LPIN1: variants seen among roughly 807,000 people sequenced by gnomAD.
LPIN1 encodes lipin 1, also known as phosphatidate phosphatase LPIN1.
In LPIN1, 71 loss-of-function variants were observed where a neutral mutation model predicts 107.5. The ratio of observed to expected loss-of-function variants is 0.66; its 90% confidence interval spans 0.55 to 0.80. The LOEUF is 0.80. LPIN1 is among the 30% of genes least tolerant of loss of function. The pLI is 0.00. For synonymous variants in LPIN1, 445 were observed against 452.6 expected (o/e 0.98, Z 0.21); for missense variants, 1,043 against 1,160.6 (o/e 0.90, Z 1.47).
intron 1 of LPIN1, among the ~76,000 whole-genome samples, chr2:11,752,432 C>CTTTTTTTTTTT (rs1354955148): frequency 2.3e-4 from 19 of 82,636 alleles, no homozygotes; most frequent in African/African-American, 1.4e-3. Context: ...GTTCCAAGGC[C>CTTTTTTTTTTT]ATTTTTTTTT....
At chr2:11,815,577 G>A (rs984714131) in intron 18 of LPIN1, among the ~76,000 whole-genome samples, 3 of 151,866 alleles carry the variant, frequency 2.0e-5, no homozygotes, top group Non-Finnish European at 4.4e-5. Flanking sequence ...ATGCTGTTCC[G>A]TCTTTTTGGG....
intron 1 of LPIN1, among the ~76,000 whole-genome samples, chr2:11,753,200 C>G (rs1037604241): frequency 7.5e-6 from 1 of 133,820 alleles, no homozygotes; most frequent in Non-Finnish European, 1.6e-5. Flanking sequence ...CTGCCTAACA[C>G]AGGCAGGGCT....
At chr2:11,694,620 G>A (rs748423938) in intron 1 of LPIN1, among the ~76,000 whole-genome samples, 1 of 152,218 alleles carries the variant, frequency 6.6e-6, no homozygotes, top group Non-Finnish European at 1.5e-5. Flanking sequence ...CTGAAGATGA[G>A]TCCATGGTCC....
Position 11,765,079 on chromosome 2 carries a change from AC to A in LPIN1, c.-9-451del, listed in dbSNP as rs1237689326. Among the ~76,000 whole-genome samples, 1 of 143,808 alleles carries A rather than the reference AC, an allele frequency of 7.0e-6. No individual in the cohort carries two copies. Among genetic ancestry groups the A allele is most frequent in the Admixed American group, 6.8e-5 (1 of 14,640 alleles). The allele number at this position is 143,808 out of a possible 152,430, so 94.3% of individuals were successfully genotyped here. A position where few individuals can be genotyped will look rare whatever the true frequency, so the allele number is the denominator to read the frequency against. ...GATGGGCCGTGATGGGCTGTGATGG[AC>A]CCTGGTGGGCTCTGATGGTCCATGA... On this transcript the variant is annotated intron_variant, in intron 1 of 20. Coordinates refer to ENST00000674199, the MANE Select transcript of LPIN1 (RefSeq NM_001349206.2). This position sits in a 1 kb window ranked among gnomAD's most constrained non-coding sequence, Gnocchi z 4.4.
At chr2:11,773,819 G>T (rs1672254966) in intron 5 of LPIN1, 74 bp downstream of exon 5, 7 of 1,524,996 alleles carry the variant, frequency 4.6e-6, no homozygotes, top group East Asian at 2.3e-5. Context: ...TCTAAGAAAA[G>T]AATGAAATAG....
In LPIN1 at chr2:11,787,103, C is replaced by A; in HGVS notation, c.1579C>A (p.Gln527Lys). Reference protein sequence around the residue: ...DAFLEQAVSYQQFVDNPAIID... With the variant: ...DAFLEQAVSYKQFVDNPAIID... ...ATTCCTGGAGCAAGCTGTGTCATAT[C>A]AACAGTTTGTGGACAACCCCGCTAT... The change falls in exon 11 of 21, where the codon CAA (glutamine) becomes AAA (lysine). Residue 527 changes from glutamine to lysine, a missense_variant. Gln to Lys is a moderately conservative substitution (Grantham distance 53). Transcript: ENST00000674199. 1 of 1,614,030 alleles carries A rather than the reference C, an allele frequency of 6.2e-7. No individual in the cohort carries two copies. Among genetic ancestry groups the A allele is most frequent in the Middle Eastern group, 1.6e-4 (1 of 6,062 alleles).
At position 11,795,387 on chromosome 2, in the gene LPIN1, C is replaced by G. The variant is rs769842057; in HGVS notation, c.1807-21C>G. ...CCTTCTCTGTGGTACTTCTGTGACT[C>G]TTTCTTTTCTTCTTTTCTAGGAAAG... On this transcript the variant is annotated intron_variant, in intron 13 of 20. Coordinates refer to ENST00000674199, the MANE Select transcript of LPIN1 (RefSeq NM_001349206.2). 12 of 1,608,362 alleles carry G rather than the reference C, an allele frequency of 7.5e-6. No homozygotes were observed. In the Admixed American group the frequency reaches 2.0e-4, roughly 27 times the overall value.
At chr2:11,801,337 G>C (rs574246372) in intron 14 of LPIN1, among the ~76,000 whole-genome samples, 2 of 152,194 alleles carry the variant, frequency 1.3e-5, no homozygotes, top group African/African-American at 2.4e-5. Flanking sequence ...CACAGGAGTT[G>C]AAATATGGAA....
chr2:11,690,727 A>G (rs1445851391), intron 1 of LPIN1, among the ~76,000 whole-genome samples: 1 of 151,932 alleles, frequency 6.6e-6, no homozygotes, highest in Non-Finnish European at 1.5e-5. Flanking sequence ...GTTTCCTGTT[A>G]GGTTTTATCT....
intron 1 of LPIN1, among the ~76,000 whole-genome samples, chr2:11,761,179 A>G (rs1007971002): frequency 1.6e-4 from 25 of 152,148 alleles, no homozygotes; most frequent in Non-Finnish European, 4.4e-5. Flanking sequence ...TTAGAGTTAG[A>G]GGGTTACCTC....
intron 1 of LPIN1, among the ~76,000 whole-genome samples, chr2:11,712,306 C>T (rs374975206): frequency 2.0e-5 from 3 of 152,346 alleles, no homozygotes; most frequent in East Asian, 3.9e-4. Flanking sequence ...CCCACTCACC[C>T]TGCAGAGGCA....
chr2:11,817,922 ACT>A (rs1232631981), intron 18 of LPIN1: 1 of 121,560 alleles, frequency 8.2e-6, no homozygotes, highest in African/African-American at 3.4e-5. Flanking sequence ...AACCAGCAAG[ACT>A]CTGTCTCAAA....
chr2:11,678,555 G>A (rs999591272), intron 1 of LPIN1, among the ~76,000 whole-genome samples: 11 of 152,176 alleles, frequency 7.2e-5, no homozygotes, highest in African/African-American at 1.4e-4. Flanking sequence ...AGGGAGACCC[G>A]GGGTTTTCTG....
intron 6 of LPIN1, among the ~76,000 whole-genome samples, chr2:11,778,829 C>T (rs1558884925): frequency 1.3e-5 from 2 of 152,078 alleles, no homozygotes; most frequent in Admixed American, 1.3e-4. Context: ...AGAAGTAAGA[C>T]CTTGTTTGGG....
intron 14 of LPIN1, among the ~76,000 whole-genome samples, chr2:11,798,993 T>C (rs140219794): frequency 6.6e-6 from 1 of 152,348 alleles, no homozygotes; most frequent in East Asian, 1.9e-4. Context: ...TTGTTTTGTT[T>C]TGTTGCTTCT....
intron 12 of LPIN1, among the ~76,000 whole-genome samples, chr2:11,789,749 A>G (rs1442742882): frequency 6.8e-6 from 1 of 147,542 alleles, no homozygotes; most frequent in Non-Finnish European, 1.5e-5. Context: ...CGTTCTCAAC[A>G]CTTACAAATC....
intron 1 of LPIN1, among the ~76,000 whole-genome samples, chr2:11,757,031 T>G (rs1265822814): frequency 6.6e-6 from 1 of 152,242 alleles, no homozygotes; most frequent in African/African-American, 2.4e-5. Context: ...AAGATTTGGC[T>G]GAGTTTTCCA....
chr2:11,704,799 C>T (rs569512653), intron 1 of LPIN1, among the ~76,000 whole-genome samples: 39 of 152,300 alleles, frequency 2.6e-4, no homozygotes, highest in African/African-American at 8.9e-4. Flanking sequence ...CATGGAGTTT[C>T]CTCTGCCGGG....
intron 12 of LPIN1, 155 bp from the exon 13 acceptor site, chr2:11,791,759 T>C (rs1338781955): frequency 2.7e-6 from 4 of 1,485,134 alleles, no homozygotes; most frequent in Admixed American, 4.1e-5. Context: ...TAGGTTTTGC[T>C]TCTCTAAAAT....
Sources: allele counts gnomAD v4.1 joint callset (sites outside exome capture counted in the v4.1 genomes callset), GRCh38; gene constraint gnomAD v4.1.1; non-coding constraint Gnocchi (gnomAD v3.1); transcripts MANE v1.5; gene names NCBI Gene and HGNC (gene_info 2026-07-23, HGNC 2026-07-21).